The following PASK variants were observed in gnomAD, a reference collection of about 807,000 sequenced individuals.
PASK encodes the protein PAS domain containing serine/threonine kinase.
Under a neutral mutation model 121.0 loss-of-function variants are expected in PASK, and 110 were observed. The observed-to-expected ratio is 0.91, with a 90% CI of 0.78 to 1.06. The LOEUF (loss-of-function observed/expected upper bound fraction) is 1.06. Among genes scored for constraint, PASK ranks in the 50% least tolerant of loss-of-function variants. The pLI, the probability that PASK is intolerant of heterozygous loss-of-function variation, is 0.00. For missense variants in PASK, 1,643 were observed against 1,702.3 expected (o/e 0.97, Z 0.61); for synonymous variants, 686 against 717.8 (o/e 0.96, Z 0.71).
intron 1 of PASK, among the ~76,000 whole-genome samples, chr2:241,147,159 A>G (rs996430497): frequency 3.3e-5 from 5 of 152,250 alleles, no homozygotes; most frequent in Non-Finnish European, 7.3e-5. Flanking sequence ...AGTGTGAGGC[A>G]GTTTTTTCTA....
intron 16 of PASK, among the ~76,000 whole-genome samples, 175 bp from the exon 17 acceptor site, chr2:241,107,674 T>C (rs917583707): frequency 6.6e-6 from 1 of 152,212 alleles, no homozygotes; most frequent in Non-Finnish European, 1.5e-5. Flanking sequence ...GAAACATTCA[T>C]TGCCTCTGAA....
At chr2:241,114,257 C>T (rs1370137989) in intron 14 of PASK, 9 of 985,274 alleles carry the variant, frequency 9.1e-6, no homozygotes, top group Middle Eastern at 5.2e-4. Flanking sequence ...AACTAAACTT[C>T]GGAAACCCAA....
In PASK at chr2:241,126,864, G is replaced by C. The variant is rs56372985; in HGVS notation, c.2051C>G (p.Pro684Arg). ...ALDVPHAELV[P>R]TECQAVTAPV... ...AGCGGTGACAGCCTGGCACTCTGTC[G>C]GAACGAGTTCGGCGTGGGGGACATC... is the stretch of plus-strand genomic sequence containing the variant. The change falls in exon 10 of 18, where the codon CCG (proline) becomes CGG (arginine). Residue 684 changes from proline to arginine, a missense_variant. By Grantham distance (103) the Pro-to-Arg change is moderately radical. Transcript: ENST00000234040. 148 of 1,612,862 alleles carry C rather than the reference G, an allele frequency of 9.2e-5. No homozygotes were observed. The East Asian group carries it at 2.7e-3, about 29-fold the overall frequency.
At chr2:241,116,044 T>C (rs1430341386) in intron 12 of PASK, among the ~76,000 whole-genome samples, 1 of 132,528 alleles carries the variant, frequency 7.5e-6, no homozygotes, top group Non-Finnish European at 1.6e-5. Context: ...CACCCAGTCC[T>C]CAAGCATCCC....
intron 1 of PASK, among the ~76,000 whole-genome samples, chr2:241,146,118 C>A (rs983270123): frequency 2.0e-5 from 3 of 152,100 alleles, no homozygotes; most frequent in Non-Finnish European, 4.4e-5. Context: ...TTAAAAGACA[C>A]ATGGCCCAAT....
At chr2:241,111,812 A>G (rs960021079) in intron 15 of PASK, among the ~76,000 whole-genome samples, 2 of 152,132 alleles carry the variant, frequency 1.3e-5, no homozygotes, top group African/African-American at 4.8e-5. Flanking sequence ...TTCAGCACGA[A>G]TCCTCTGCCT....
At chr2:241,128,759 G>C (rs1359225482) in intron 9 of PASK, among the ~76,000 whole-genome samples, 1 of 152,096 alleles carries the variant, frequency 6.6e-6, no homozygotes, top group African/African-American at 2.4e-5. Flanking sequence ...TCAGCTACTT[G>C]GGAGGCTGAA....
chr2:241,118,779 G>A, intron 12 of PASK: 1 of 349,728 alleles, frequency 2.9e-6, no homozygotes. Context: ...ACGGCGCAGG[G>A]CAGACAGCCT....
rs200314136 is a variant in PASK, at chr2:241,112,371, G to A, written c.3402C>T (p.Ile1134=). 1.4e-4 allele frequency: 228 copies of A among 1,613,428 alleles called. No homozygotes were observed. Among genetic ancestry groups the A allele is most frequent in the Non-Finnish European group, 6.7e-5 (79 of 1,179,594 alleles). The change falls in exon 15 of 18, where the codon ATC becomes ATT. Residue 1134 remains isoleucine (I), a synonymous_variant. Transcript: ENST00000234040. This position sits in a 1 kb window ranked among gnomAD's most constrained non-coding sequence, Gnocchi z 5.2. The stretch of plus-strand genomic sequence containing the variant: ...TGATTGTGAAGTCCTCGGCGATCAC[G>A]ATGTTCTCATCCTTGATGTCACGGT... ...IIHRDIKDEN[I]VIAEDFTIKL...
Position 241,127,231 on chromosome 2 carries a change from C to T in PASK, c.1684G>A (p.Ala562Thr). 1.2e-6 allele frequency: 2 copies of T among 1,614,258 alleles called. No individual in the cohort carries two copies. The highest frequency in any genetic ancestry group is 1.7e-6 in the Non-Finnish European group (2 of 1,180,050). ...TTCTGACACAGGCCACACATGCCAG[C>T]ATCACTGCCCCCATCCTCAGCTGGG... ...PVPAEDGGSDAGMCGLCQKAQ... is the reference protein window; with the variant it reads ...PVPAEDGGSDTGMCGLCQKAQ... Residue 562 changes from alanine (A) to threonine (T), a missense_variant, in exon 10 of 18, where the codon GCT (alanine) becomes ACT (threonine). Coordinates refer to ENST00000234040, the MANE Select transcript of PASK (RefSeq NM_015148.4).
chr2:241,120,492 C>CAAAAAAAAAAAAAAAAAAAAAAAAAAA (rs568145375), intron 12 of PASK, among the ~76,000 whole-genome samples: 6 of 140,046 alleles, frequency 4.3e-5, no homozygotes, highest in Admixed American at 7.0e-5. Flanking sequence ...GACTCTGTCT[C>CAAAAAAAAAAAAAAAAAAAAAAAAAAA]AAAAGAAAAA....
upstream of PASK, chr2:241,150,272 G>T: frequency 7.6e-7 from 1 of 1,320,760 alleles, no homozygotes. Context: ...CTCGCCTCCA[G>T]ACTGTTCCGG....
intron 1 of PASK, among the ~76,000 whole-genome samples, chr2:241,144,340 CAAG>C (rs1164479751): frequency 2.0e-5 from 3 of 152,182 alleles, no homozygotes; most frequent in East Asian, 3.9e-4. Context: ...GCCCTTAAAG[CAAG>C]AAGATTTCCT....
At chr2:241,144,883 C>T (rs1046909115) in intron 1 of PASK, among the ~76,000 whole-genome samples, 2 of 152,310 alleles carry the variant, frequency 1.3e-5, no homozygotes, top group Middle Eastern at 3.4e-3. Context: ...CTCCAGTCTC[C>T]GCCTTCGCCA....
chr2:241,138,024 C>A lies in PASK; in HGVS notation c.805G>T (p.Val269Leu), dbSNP rs573164247. The A allele has an allele frequency of 6.2e-7, 1 of 1,614,172 alleles. No individual in the cohort carries two copies. The highest frequency in any genetic ancestry group is 1.7e-5 in the Admixed American group (1 of 60,030). ...AGGTCTGTGATATGCTGCCCAGCCA[C>A]GTCCTCCCCAGACACGTACCCGTGA... ...HLHGYVSGED[V>L]AGQHITDLIP... The change falls in exon 6 of 18, where the codon GTG becomes TTG. Residue 269 changes from valine to leucine, a missense_variant. Val to Leu is a conservative substitution (Grantham distance 32). This residue lies in a region of PASK where 1,176 missense variants were observed against 1,162.2 expected (regional missense o/e 1.01). Coordinates refer to ENST00000234040, the MANE Select transcript of PASK (RefSeq NM_015148.4).
intron 7 of PASK, 113 bp downstream of exon 7, chr2:241,136,891 A>T: frequency 1.0e-6 from 1 of 976,468 alleles, no homozygotes; most frequent in Non-Finnish European, 1.6e-6. Flanking sequence ...TGGGTAAAGG[A>T]GCGAGCTGGA....
chr2:241,108,808 C>A lies in PASK; in HGVS notation c.3534-508G>T. 4.2e-6 allele frequency: 1 copy of A among 239,564 alleles called. No individual in the cohort carries two copies. 14.8% of individuals were successfully genotyped at this position (239,564 alleles called of 1,614,324 possible). ...ATGTGAAGGGTGCTGCAGGACGAGA[C>A]TGAACAGGGAAAAACACCGAAGGAT... On this transcript the variant is annotated intron_variant, in intron 15 of 17. Coordinates refer to ENST00000234040, the MANE Select transcript of PASK (RefSeq NM_015148.4). This position sits in a 1 kb window ranked among gnomAD's most constrained non-coding sequence, Gnocchi z 5.2.
rs1026221667 is a variant in PASK at position 241,140,715 on chromosome 2, C to A, written c.235G>T (p.Ala79Ser). 6.2e-7 allele frequency: 1 copy of A among 1,613,912 alleles called. No individual in the cohort carries two copies. Among genetic ancestry groups the A allele is most frequent in the Non-Finnish European group, 8.5e-7 (1 of 1,179,774 alleles). ...AGTTTACTTGTACAAATATTCTGGG[C>A]AGCCAGTGATGATAGACAATAGGAG... ...WSSYCLSSLA[A>S]QNICTSKLHC... The change falls in exon 3 of 18, where the codon GCC becomes TCC. Residue 79 changes from alanine to serine, a missense_variant. By Grantham distance (99) the Ala-to-Ser change is moderately conservative (BLOSUM62 1). Coordinates refer to ENST00000234040, the MANE Select transcript of PASK (RefSeq NM_015148.4).
rs899451882 is a variant in PASK at position 241,108,667 on chromosome 2, T to A, written c.3534-367A>T. 5.3e-6 allele frequency: 2 copies of A among 374,246 alleles called. No individual in the cohort carries two copies. Among genetic ancestry groups the A allele is most frequent in the Non-Finnish European group, 1.0e-5 (2 of 195,016 alleles). 23.2% of individuals were successfully genotyped at this position (374,246 alleles called of 1,614,324 possible). A position where few individuals can be genotyped will look rare whatever the true frequency, so the allele number is the denominator to read the frequency against. On this transcript the variant is annotated intron_variant, in intron 15 of 17. Transcript: ENST00000234040. This position sits in a 1 kb window ranked among gnomAD's most constrained non-coding sequence, Gnocchi z 5.2. ...AGGGCCACGGGAGCTGCAGGCCACT[T>A]CAGAACAGGGTCACGTGCCCTTCAG...
Sources: gnomAD v4.1 joint callset for allele counts (sites outside exome capture counted in the v4.1 genomes callset) on GRCh38, gnomAD v4.1.1 for gene constraint, gnomAD v4.1.1 regional missense constraint, Gnocchi (gnomAD v3.1) non-coding constraint, MANE v1.5 for transcripts, NCBI Gene and HGNC (gene_info 2026-07-23, HGNC 2026-07-21) for gene names.